GALNT17: variants seen among roughly 807,000 people sequenced by gnomAD.
GALNT17 encodes the protein polypeptide N-acetylgalactosaminyltransferase 17.
Under a neutral mutation model 63.7 loss-of-function variants are expected in GALNT17, and 29 were observed. The observed-to-expected ratio is 0.46, with a 90% CI of 0.34 to 0.62. The LOEUF is 0.62. Ranked by LOEUF, GALNT17 falls within the 20% of genes least tolerant of loss-of-function variation. The pLI, the probability that GALNT17 is intolerant of heterozygous loss-of-function variation, is 0.01. For missense variants in GALNT17, 603 were observed against 799.6 expected (o/e 0.75, Z 2.97); for synonymous variants, 305 against 318.3 (o/e 0.96, Z 0.45).
intron 2 of GALNT17, 56 bp from the exon 3 acceptor site, chr7:71,388,179 G>A: frequency 6.4e-7 from 1 of 1,573,260 alleles, no homozygotes; most frequent in Non-Finnish European, 8.7e-7. Flanking sequence ...TCCAGCTGCA[G>A]TGCCTGAGCT....
chr7:71,229,022 G>A lies in GALNT17; in HGVS notation c.238+95982G>A, dbSNP rs140953854. Among the ~76,000 whole-genome samples, 492 of 152,242 alleles carry A rather than the reference G, an allele frequency of 3.2e-3. 3 individuals carry two copies. The highest frequency in any genetic ancestry group is 6.8e-3 in the Middle Eastern group (2 of 294). On this transcript the variant is annotated intron_variant, in intron 1 of 10. Transcript: ENST00000333538. Reference sequence around the variant, plus strand: ...CAGGGCTGGGGCTTGGTTCTGACCCGTGACGTGAAAGGCAATTCAACAGTG... The same window carrying A: ...CAGGGCTGGGGCTTGGTTCTGACCCATGACGTGAAAGGCAATTCAACAGTG...
intron 6 of GALNT17, among the ~76,000 whole-genome samples, chr7:71,625,477 G>T (rs1465774982): frequency 6.6e-6 from 1 of 152,020 alleles, no homozygotes; most frequent in African/African-American, 2.4e-5. Flanking sequence ...CACACTCCAA[G>T]TATTTGCCTT....
At chr7:71,233,959 G>A (rs1259582417) in intron 1 of GALNT17, among the ~76,000 whole-genome samples, 1 of 152,122 alleles carries the variant, frequency 6.6e-6, no homozygotes, top group Non-Finnish European at 1.5e-5. Flanking sequence ...AGAGGGAGGT[G>A]CCACACACTT....
chr7:71,169,764 C>A (rs1788511192), intron 1 of GALNT17, among the ~76,000 whole-genome samples: 1 of 152,016 alleles, frequency 6.6e-6, no homozygotes, highest in Non-Finnish European at 1.5e-5. Flanking sequence ...CCATGTTGTC[C>A]AGGCTGGTCT....
Position 71,136,441 on chromosome 7 carries a change from A to G in GALNT17, c.238+3401A>G, listed in dbSNP as rs74738515. Among the ~76,000 whole-genome samples, 1,218 of 152,112 alleles carry G rather than the reference A, an allele frequency of 8.0e-3. 44 individuals are homozygous for G. The East Asian group carries it at 0.11, about 14-fold the overall frequency. On this transcript the variant is annotated intron_variant, in intron 1 of 10. Coordinates refer to ENST00000333538, the MANE Select transcript of GALNT17 (RefSeq NM_022479.3). ...TAAATCTTTCCCGTGGACTCCTGTGAAGTCCAAGCAGGTGGGATTTATGGA... is the reference window on the plus strand; with the variant it reads ...TAAATCTTTCCCGTGGACTCCTGTGGAGTCCAAGCAGGTGGGATTTATGGA...
chr7:71,661,139 CCA>C (rs1372207524), intron 6 of GALNT17, among the ~76,000 whole-genome samples: 2 of 152,126 alleles, frequency 1.3e-5, no homozygotes, highest in Non-Finnish European at 2.9e-5. Flanking sequence ...AACCAGGCAC[CCA>C]GAGTGAGGGA....
chr7:71,436,047 T>C (rs1489029224), intron 5 of GALNT17, among the ~76,000 whole-genome samples: 3 of 146,706 alleles, frequency 2.0e-5, no homozygotes, highest in African/African-American at 7.5e-5. Context: ...AAAAAACAAC[T>C]CTGATCCCCG....
At chr7:71,557,414 T>C (rs184607664) in intron 5 of GALNT17, among the ~76,000 whole-genome samples, 1 of 152,304 alleles carries the variant, frequency 6.6e-6, no homozygotes, top group Non-Finnish European at 1.5e-5. Flanking sequence ...TGAAGAGGGA[T>C]TATTGCCCTC....
At chr7:71,445,068 G>C (rs2116530598) in intron 5 of GALNT17, among the ~76,000 whole-genome samples, 1 of 152,162 alleles carries the variant, frequency 6.6e-6, no homozygotes, top group South Asian at 2.1e-4. Flanking sequence ...GTAGAGGAGG[G>C]GTCTCAGTGG....
chr7:71,417,407 C>A (rs937904514), intron 4 of GALNT17, among the ~76,000 whole-genome samples: 2 of 152,136 alleles, frequency 1.3e-5, no homozygotes, highest in African/African-American at 4.8e-5. Flanking sequence ...TTTTTGCTGT[C>A]ATCAAACCCT....
At chr7:71,709,877 G>A (rs1274421704) in intron 9 of GALNT17, among the ~76,000 whole-genome samples, 2 of 152,186 alleles carry the variant, frequency 1.3e-5, no homozygotes, top group Non-Finnish European at 2.9e-5. Context: ...GGGATCACGG[G>A]CATGAGCCAC....
At chr7:71,308,830 G>A (rs961964945) in intron 1 of GALNT17, among the ~76,000 whole-genome samples, 1 of 150,414 alleles carries the variant, frequency 6.6e-6, no homozygotes, top group African/African-American at 2.5e-5. Context: ...TGCAACCTCT[G>A]CCTTTTGGGT....
chr7:71,689,827 A>G (rs954741850), intron 9 of GALNT17, among the ~76,000 whole-genome samples: 1 of 152,174 alleles, frequency 6.6e-6, no homozygotes, highest in Non-Finnish European at 1.5e-5. Flanking sequence ...CAAAGCCTCA[A>G]AGGACAGCCT....
intron 1 of GALNT17, among the ~76,000 whole-genome samples, chr7:71,296,015 T>C (rs1791072961): frequency 6.6e-6 from 1 of 152,190 alleles, no homozygotes; most frequent in South Asian, 2.1e-4. Context: ...TTATCTTTTA[T>C]TAAAGACATT....
At chr7:71,430,931 A>G (rs1436941912) in intron 5 of GALNT17, among the ~76,000 whole-genome samples, 1 of 152,190 alleles carries the variant, frequency 6.6e-6, no homozygotes, top group African/African-American at 2.4e-5. Context: ...AAGCATTTCC[A>G]GCAGGGATAG....
chr7:71,388,120 C>G, intron 2 of GALNT17, 115 bp from the exon 3 acceptor site: 3 of 1,118,430 alleles, frequency 2.7e-6, no homozygotes, highest in Non-Finnish European at 3.9e-6. Context: ...ACCAGTGATT[C>G]ACGCCTTGGG....
intron 1 of GALNT17, among the ~76,000 whole-genome samples, chr7:71,220,552 T>TC (rs1789564359): frequency 6.6e-6 from 1 of 152,146 alleles, no homozygotes; most frequent in African/African-American, 2.4e-5. Context: ...TGGGGTGTAG[T>TC]TCATTTTATC....
intron 4 of GALNT17, among the ~76,000 whole-genome samples, chr7:71,417,488 T>C (rs926287387): frequency 1.3e-5 from 2 of 152,118 alleles, no homozygotes; most frequent in Non-Finnish European, 2.9e-5. Context: ...TCTCTAGTAA[T>C]AATCATTCCC....
intron 1 of GALNT17, among the ~76,000 whole-genome samples, chr7:71,195,469 C>T (rs1232597212): frequency 6.6e-6 from 1 of 151,714 alleles, no homozygotes; most frequent in Non-Finnish European, 1.5e-5. Flanking sequence ...GCTGCCTCAG[C>T]CTCCTGGGCT....
Sources: allele counts gnomAD v4.1 joint callset (sites outside exome capture counted in the v4.1 genomes callset), GRCh38; gene constraint gnomAD v4.1.1; transcripts MANE v1.5; gene names NCBI Gene and HGNC (gene_info 2026-07-23, HGNC 2026-07-21).